The following CHN1 variants were observed in gnomAD, a reference collection of about 807,000 sequenced individuals.
CHN1 encodes the protein N-chimaerin.
In CHN1, 37 loss-of-function variants were observed where a neutral mutation model predicts 59.5. That is an observed-to-expected ratio of 0.62 (90% CI 0.48 to 0.82). CHN1 has a LOEUF of 0.82. Among genes scored for constraint, CHN1 ranks in the 40% least tolerant of loss-of-function variants. The probability of loss-of-function intolerance (pLI) is 0.00; values close to 1 mark genes in which losing one functional copy is unlikely to be tolerated. For missense variants in CHN1, 469 were observed against 571.0 expected, an observed-to-expected ratio of 0.82 and a Z score of 1.82; for synonymous variants, 206 against 200.4, an observed-to-expected ratio of 1.03 and a Z score of -0.24.
chr2:174,849,635 A>G (rs1410568984), intron 6 of CHN1, among the ~76,000 whole-genome samples: 3 of 152,242 alleles, frequency 2.0e-5, no homozygotes, highest in African/African-American at 7.2e-5. Flanking sequence ...GTAGATAGCC[A>G]TCTACTCATA....
intron 2 of CHN1, among the ~76,000 whole-genome samples, chr2:174,946,559 G>C (rs1009677076): frequency 2.6e-5 from 4 of 152,074 alleles, no homozygotes; most frequent in African/African-American, 9.7e-5. Context: ...CATTGTGAGA[G>C]TTAATAAGAA....
At chr2:174,955,522 A>T (rs1690179019) in intron 1 of CHN1, among the ~76,000 whole-genome samples, 1 of 152,038 alleles carries the variant, frequency 6.6e-6, no homozygotes, top group Non-Finnish European at 1.5e-5. Flanking sequence ...AAGACTACCC[A>T]CTGGGTACAG....
chr2:174,945,253 A>G, intron 2 of CHN1: 1 of 444,224 alleles, frequency 2.3e-6, no homozygotes, highest in Non-Finnish European at 4.5e-6. Context: ...TGGGGATATT[A>G]AAGGATGTCT....
At chr2:174,866,794 G>A (rs1687230360) in intron 6 of CHN1, among the ~76,000 whole-genome samples, 1 of 152,036 alleles carries the variant, frequency 6.6e-6, no homozygotes, top group African/African-American at 2.4e-5. Context: ...TCTATATTCA[G>A]CAAATTCAGA....
rs371382446 is a variant in CHN1 at position 174,949,364 on chromosome 2, T to C, written c.58+2800A>G. Among the ~76,000 whole-genome samples, 5 of 152,300 alleles carry C rather than the reference T, an allele frequency of 3.3e-5. No individual in the cohort carries two copies. In the East Asian group the frequency reaches 7.7e-4, roughly 23 times the overall value. On this transcript the variant is annotated intron_variant, in intron 2 of 12. Coordinates refer to ENST00000409900, the MANE Select transcript of CHN1 (RefSeq NM_001822.7). The stretch of plus-strand genomic sequence containing the variant: ...ATGAATAAATGAATGAGACAGGGTC[T>C]GGAGTTCAGAGTACTGATCACAACT...
intron 3 of CHN1, among the ~76,000 whole-genome samples, chr2:174,937,568 CAACA>C (rs1558989337): frequency 1.3e-5 from 2 of 152,142 alleles, no homozygotes; most frequent in Non-Finnish European, 2.9e-5. Flanking sequence ...AGTGGAGAAA[CAACA>C]TACAGTGTCT....
At chr2:174,962,708 G>A (rs1218586391) in intron 1 of CHN1, among the ~76,000 whole-genome samples, 3 of 122,866 alleles carry the variant, frequency 2.4e-5, no homozygotes, top group Admixed American at 9.6e-5. Flanking sequence ...TCAGGAGTTC[G>A]ACACCAGCCT....
intron 8 of CHN1, among the ~76,000 whole-genome samples, chr2:174,817,460 C>T (rs1459532352): frequency 2.0e-5 from 3 of 151,476 alleles, no homozygotes; most frequent in African/African-American, 7.3e-5. Context: ...GGAGTCATCC[C>T]CCAATTTTTT....
In CHN1 at chr2:174,994,518, A is replaced by G. The variant is rs190545878; in HGVS notation, c.19+10376T>C. Among the ~76,000 whole-genome samples, 362 of 152,290 alleles carry G rather than the reference A, an allele frequency of 2.4e-3. 3 individuals are homozygous for G. The highest frequency in any genetic ancestry group is 7.9e-3 in the African/African-American group (330 of 41,558). ...AAAGAAAAAAACCTATAGCTTTCCC[A>G]TTAGGGAACTTCATCCAATGGGGGG... is the stretch of plus-strand genomic sequence containing the variant. On this transcript the variant is annotated intron_variant, in intron 1 of 12. Coordinates refer to ENST00000409900, the MANE Select transcript of CHN1 (RefSeq NM_001822.7).
chr2:174,982,657 C>A (rs1038213108), intron 1 of CHN1, among the ~76,000 whole-genome samples: 1 of 152,144 alleles, frequency 6.6e-6, no homozygotes, highest in Non-Finnish European at 1.5e-5. Flanking sequence ...CTTAACCCCA[C>A]CCATTCACTC....
chr2:174,917,883 C>T (rs1300322742), intron 4 of CHN1, among the ~76,000 whole-genome samples: 2 of 152,192 alleles, frequency 1.3e-5, no homozygotes, highest in East Asian at 3.9e-4. Flanking sequence ...CAAAGTGCTA[C>T]ATTTCTGTTT....
intron 1 of CHN1, among the ~76,000 whole-genome samples, chr2:174,999,095 A>G (rs1209285028): frequency 6.6e-6 from 1 of 152,094 alleles, no homozygotes; most frequent in Non-Finnish European, 1.5e-5. Flanking sequence ...TTCAATGTAA[A>G]TATGGTCATA....
intron 7 of CHN1, among the ~76,000 whole-genome samples, chr2:174,842,355 GTTAAT>G (rs1373034783): frequency 6.6e-6 from 1 of 152,152 alleles, no homozygotes; most frequent in African/African-American, 2.4e-5. Flanking sequence ...TTCATATATA[GTTAAT>G]TTTAGTTCCT....
At chr2:174,957,441 T>C (rs1267784004) in intron 1 of CHN1, among the ~76,000 whole-genome samples, 1 of 86,338 alleles carries the variant, frequency 1.2e-5, no homozygotes, top group African/African-American at 4.8e-5. Context: ...CTAGGGTGTG[T>C]GTGTTGGGGG....
chr2:174,910,316 C>T (rs931319223), intron 5 of CHN1, among the ~76,000 whole-genome samples: 2 of 152,092 alleles, frequency 1.3e-5, no homozygotes, highest in Non-Finnish European at 2.9e-5. Context: ...CATTGACAGA[C>T]AGCCCACTAA....
In CHN1 at chr2:174,906,683, TATA is replaced by T. The variant is rs1160820923; in HGVS notation, c.260+8372_260+8374del. On this transcript the variant is annotated intron_variant, in intron 5 of 12. Coordinates refer to ENST00000409900, the MANE Select transcript of CHN1 (RefSeq NM_001822.7). ...GAGTAAGAAAAAAAAGATGCAATTT[TATA>T]ATACATAGAAACAGTGCTTGGTTGC... Among the ~76,000 whole-genome samples, 4 of 152,216 alleles carry T rather than the reference TATA, an allele frequency of 2.6e-5. No homozygotes were observed. In the East Asian group the frequency reaches 7.7e-4, roughly 29 times the overall value.
At chr2:174,883,797 A>C (rs1687809628) in intron 5 of CHN1, among the ~76,000 whole-genome samples, 1 of 151,956 alleles carries the variant, frequency 6.6e-6, no homozygotes, top group Admixed American at 6.6e-5. Context: ...GAATCCTGTA[A>C]AAAAAAGGAA....
intron 5 of CHN1, among the ~76,000 whole-genome samples, chr2:174,906,981 T>A (rs1017424568): frequency 1.3e-5 from 2 of 152,196 alleles, no homozygotes; most frequent in Non-Finnish European, 2.9e-5. Flanking sequence ...TTTTCTTCCG[T>A]CTTTTCCTCC....
chr2:174,894,865 C>T (rs932657792), intron 5 of CHN1, among the ~76,000 whole-genome samples: 2 of 151,998 alleles, frequency 1.3e-5, no homozygotes, highest in South Asian at 2.1e-4. Context: ...AAATAATACA[C>T]GTCTTACATT....
Sources: allele counts gnomAD v4.1 joint callset (sites outside exome capture counted in the v4.1 genomes callset), GRCh38; gene constraint gnomAD v4.1.1; transcripts MANE v1.5; gene names NCBI Gene and HGNC (gene_info 2026-07-23, HGNC 2026-07-21).